The following LAMP2 variants were observed in gnomAD, a reference collection of about 807,000 sequenced individuals.
LAMP2 encodes the protein lysosome-associated membrane glycoprotein 2.
A neutral mutation model predicts 25.6 loss-of-function variants in LAMP2; 4 were observed. That is an observed-to-expected ratio of 0.16 (90% CI 0.08 to 0.36). The LOEUF (loss-of-function observed/expected upper bound fraction) is 0.36, where lower values mean the gene tolerates loss of function less well. Among genes scored for constraint, LAMP2 ranks in the 10% least tolerant of loss-of-function variants. LAMP2 has a pLI of 1.00. For missense variants in LAMP2, 272 were observed against 301.4 expected (o/e 0.90, Z 0.72); for synonymous variants, 108 against 112.7 (o/e 0.96, Z 0.27).
At chrX:120,451,115 A>C (rs187547965) in intron 3 of LAMP2, among the ~76,000 whole-genome samples, 1 of 110,203 alleles carries the variant, frequency 9.1e-6, no homozygotes, top group East Asian at 2.8e-4. Flanking sequence ...TTTAGTAGAG[A>C]TGGGGTTTCA....
chrX:120,439,360 G>A, intron 8 of LAMP2: 2 of 1,038,519 alleles, frequency 1.9e-6, no homozygotes, highest in South Asian at 3.8e-5. Flanking sequence ...CGAAGTCAAA[G>A]ATGTTGATTT....
rs754879365 is a variant in LAMP2 at position 120,426,359 on chromosome X, TC to T, written c.*4963del. Among the ~76,000 whole-genome samples, 106 of 108,296 alleles carry T rather than the reference TC, an allele frequency of 9.8e-4. No individual in the cohort carries two copies. Among genetic ancestry groups the T allele is most frequent in the Non-Finnish European group, 1.8e-3 (92 of 52,234 alleles). The allele number at this position is 108,296 out of a possible 115,157, so 94.0% of individuals were successfully genotyped here. ...ATTGTTTACATTCACCAGTTCAAAG[TC>T]GTACTGTCTGATCCACTGTTGTATT... On this transcript the variant is annotated 3_prime_UTR_variant, in exon 9 of 9. Coordinates refer to ENST00000200639, the MANE Select transcript of LAMP2 (RefSeq NM_002294.3).
At chrX:120,463,169 G>C (rs1484335348) in intron 1 of LAMP2, among the ~76,000 whole-genome samples, 1 of 111,722 alleles carries the variant, frequency 9.0e-6, no homozygotes, top group Non-Finnish European at 1.9e-5. Context: ...GTTTAAGTCA[G>C]ATTAACTGTT....
At position 120,427,057 on chromosome X, in the gene LAMP2, A is replaced by G. The variant is rs1326599244; in HGVS notation, c.*4266T>C. Among the ~76,000 whole-genome samples, 1 of 111,825 alleles carries G rather than the reference A, an allele frequency of 8.9e-6. No homozygotes were observed. Among genetic ancestry groups the G allele is most frequent in the Non-Finnish European group, 1.9e-5 (1 of 53,162 alleles). ...AAGGGTTCTGGCATGAGTTAATGGCAGCAATACAGTGGTGAGCTTCTGCAT... is the reference window on the plus strand; with the variant it reads ...AAGGGTTCTGGCATGAGTTAATGGCGGCAATACAGTGGTGAGCTTCTGCAT... On this transcript the variant is annotated 3_prime_UTR_variant, in exon 9 of 9. Coordinates refer to ENST00000200639, the MANE Select transcript of LAMP2 (RefSeq NM_002294.3).
At chrX:120,431,708 A>G (rs2058523865) in intron 8 of LAMP2, among the ~76,000 whole-genome samples, 1 of 112,709 alleles carries the variant, frequency 8.9e-6, no homozygotes. Context: ...AATGTATAAC[A>G]TGGTCACATA....
chrX:120,454,976 T>C (rs1287497337), intron 3 of LAMP2, among the ~76,000 whole-genome samples: 5 of 101,196 alleles, frequency 4.9e-5, no homozygotes, highest in Admixed American at 1.1e-4. Flanking sequence ...GATATATATA[T>C]ACATATATAC....
intron 3 of LAMP2, among the ~76,000 whole-genome samples, chrX:120,453,298 C>T (rs1223542658): frequency 3.6e-5 from 4 of 111,951 alleles, no homozygotes; most frequent in Middle Eastern, 4.2e-3. Flanking sequence ...CCAAATTTTA[C>T]GTGAGCTTAT....
At position 120,442,616 on chromosome X, in the gene LAMP2, T is replaced by C; in HGVS notation, c.911A>G (p.Tyr304Cys). 8.3e-7 allele frequency: 1 copy of C among 1,209,521 alleles called. No individual in the cohort carries two copies. Among genetic ancestry groups the C allele is most frequent in the East Asian group, 3.0e-5 (1 of 33,844 alleles). The change falls in exon 7 of 9, where the codon TAT becomes TGT. Residue 304 changes from tyrosine (Y) to cysteine (C), a missense_variant. Physicochemically the swap from Tyr to Cys is radical, Grantham distance 194. Coordinates refer to ENST00000200639, the MANE Select transcript of LAMP2 (RefSeq NM_002294.3). ...TTGCTTACCGGAGCCATTAACCAAA[T>C]ACATGCTGATGTTCACTTCCTTCAG... The part of the protein sequence containing the change: ...FYLKEVNISM[Y>C]LVNGSVFSIA...
intron 6 of LAMP2, among the ~76,000 whole-genome samples, chrX:120,444,910 GGT>G (rs1329841016): frequency 3.3e-4 from 37 of 111,909 alleles, no homozygotes; most frequent in African/African-American, 1.1e-3. Flanking sequence ...GGACATTGCA[GGT>G]GTCTCTTGAT....
At chrX:120,452,698 C>T (rs961720333) in intron 3 of LAMP2, among the ~76,000 whole-genome samples, 2 of 103,849 alleles carry the variant, frequency 1.9e-5, no homozygotes, top group African/African-American at 7.1e-5. Flanking sequence ...CACAGGCACA[C>T]GCCACCACAC....
At chrX:120,441,981 G>A in intron 7 of LAMP2, 87 bp from the exon 8 acceptor site, 1 of 875,665 alleles carries the variant, frequency 1.1e-6, no homozygotes. Flanking sequence ...GCTCACGCCT[G>A]TAATTCCAGC....
rs201209341 is a variant in LAMP2 at position 120,469,179 on chromosome X, G to A, written c.-10C>T. On this transcript the variant is annotated 5_prime_UTR_variant, in exon 1 of 9. Transcript: ENST00000200639. ...GGCGGAAGCACACCATGACCCCGCA[G>A]AGCAGGCGGCGACGGCGGCGACGGC... 7.5e-5 allele frequency: 91 copies of A among 1,210,116 alleles called. No homozygotes were observed. The Admixed American group carries it at 8.9e-4, about 12-fold the overall frequency.
In LAMP2 at chrX:120,429,559, C is replaced by G; in HGVS notation, c.*1764G>C. Reference sequence around the variant, plus strand: ...TGAGGAGGATTAGGTTTTGAAGTAGCAAACAGAGATTAAAATAGAAGTGTT... The same window carrying G: ...TGAGGAGGATTAGGTTTTGAAGTAGGAAACAGAGATTAAAATAGAAGTGTT... On this transcript the variant is annotated 3_prime_UTR_variant, in exon 9 of 9. Coordinates refer to ENST00000200639, the MANE Select transcript of LAMP2 (RefSeq NM_002294.3). 1.3e-6 allele frequency: 1 copy of G among 749,612 alleles called. No homozygotes were observed. 61.8% of individuals were successfully genotyped at this position (749,612 alleles called of 1,213,427 possible). A position where few individuals can be genotyped will look rare whatever the true frequency, so the allele number is the denominator to read the frequency against.
chrX:120,451,464 G>T (rs183867582), intron 3 of LAMP2, among the ~76,000 whole-genome samples: 15 of 109,979 alleles, frequency 1.4e-4, no homozygotes, highest in Admixed American at 1.1e-3. Flanking sequence ...AGTTTTTTTT[G>T]TTGTTGTTGG....
At chrX:120,451,425 G>GC (rs1264926406) in intron 3 of LAMP2, among the ~76,000 whole-genome samples, 1 of 111,351 alleles carries the variant, frequency 9.0e-6, no homozygotes, top group Non-Finnish European at 1.9e-5. Flanking sequence ...GGGATTACAG[G>GC]CGTTGAGTCA....
rs1224065159 is a variant in LAMP2, at chrX:120,428,902, T to C, written c.*2421A>G. The C allele has an allele frequency of 2.7e-6, 2 of 750,158 alleles. No homozygotes were observed. Among genetic ancestry groups the C allele is most frequent in the African/African-American group, 4.7e-5 (2 of 42,594 alleles). 61.8% of individuals were successfully genotyped at this position (750,158 alleles called of 1,213,427 possible). A position where few individuals can be genotyped will look rare whatever the true frequency, so the allele number is the denominator to read the frequency against. Reference sequence around the variant, plus strand: ...TATGGGAAGACTTTAGGTTTGATTATCTAATGACACTGGGTTAAGGAGCCA... The same window carrying C: ...TATGGGAAGACTTTAGGTTTGATTACCTAATGACACTGGGTTAAGGAGCCA... On this transcript the variant is annotated 3_prime_UTR_variant, in exon 9 of 9. Coordinates refer to ENST00000200639, the MANE Select transcript of LAMP2 (RefSeq NM_002294.3).
At chrX:120,462,247 G>A (rs1235076814) in intron 1 of LAMP2, among the ~76,000 whole-genome samples, 1 of 110,990 alleles carries the variant, frequency 9.0e-6, no homozygotes, top group Admixed American at 9.7e-5. Context: ...CCTTGACCGG[G>A]CAGTGGCTCA....
intron 6 of LAMP2, among the ~76,000 whole-genome samples, chrX:120,444,152 A>C (rs2058586589): frequency 8.9e-6 from 1 of 111,910 alleles, no homozygotes; most frequent in African/African-American, 3.2e-5. Flanking sequence ...GGTGAGGAAG[A>C]GGAGCAATCA....
chrX:120,440,915 T>C (rs1049743240), intron 8 of LAMP2, among the ~76,000 whole-genome samples: 1 of 112,316 alleles, frequency 8.9e-6, no homozygotes, highest in Non-Finnish European at 1.9e-5. Context: ...AGTAGTCGAA[T>C]GGCTCACAGT....
Sources: gnomAD v4.1 joint callset for allele counts (sites outside exome capture counted in the v4.1 genomes callset) on GRCh38, gnomAD v4.1.1 for gene constraint, MANE v1.5 for transcripts, NCBI Gene and HGNC (gene_info 2026-07-23, HGNC 2026-07-21) for gene names.